Variants in METTL21A observed in about 807,000 individuals in gnomAD.
The protein encoded by METTL21A is methyltransferase 21A, HSPA lysine.
METTL21A carries 22 observed loss-of-function variants against 20.9 expected under a neutral mutation model. The observed-to-expected ratio is 1.05, with a 90% CI of 0.75 to 1.50. METTL21A has a LOEUF of 1.50. Ranked by LOEUF, METTL21A falls within the 40% of genes most tolerant of loss-of-function variation. The pLI, the probability that METTL21A is intolerant of heterozygous loss-of-function variation, is 0.00. For missense variants in METTL21A, 271 were observed against 266.8 expected (o/e 1.02, Z -0.11); for synonymous variants, 93 against 102.0 (o/e 0.91, Z 0.53).
At position 207,621,934 on chromosome 2, in the gene METTL21A, T is replaced by C. The variant is rs1413891016; in HGVS notation, c.148-17A>G. The C allele has an allele frequency of 6.2e-7, 1 of 1,607,142 alleles. No homozygotes were observed. The highest frequency in any genetic ancestry group is 8.5e-7 in the Non-Finnish European group (1 of 1,173,894). On this transcript the variant is annotated splice_polypyrimidine_tract_variant and intron_variant, in intron 2 of 3. Transcript: ENST00000406927. ...AACGATGGCCTGAATGAAAACACAG[T>C]GTGATGACGATTAAGGTCAACATGT...
At chr2:207,584,172 G>GAGT (rs2106634168) in intron 3 of METTL21A, among the ~76,000 whole-genome samples, 1 of 152,278 alleles carries the variant, frequency 6.6e-6, no homozygotes, top group South Asian at 2.1e-4. Flanking sequence ...AAATATCTAG[G>GAGT]AGTAGGCTGG....
downstream of METTL21A, chr2:207,581,400 C>A (rs369806806): frequency 2.5e-5 from 5 of 201,320 alleles, no homozygotes; most frequent in Non-Finnish European, 5.1e-5. Context: ...AAGATGTTCT[C>A]GGACAAAAGC....
intron 3 of METTL21A, among the ~76,000 whole-genome samples, chr2:207,593,306 G>C (rs557781788): frequency 6.6e-6 from 1 of 152,226 alleles, no homozygotes; most frequent in Non-Finnish European, 1.5e-5. Flanking sequence ...CAGGAGGATA[G>C]CTTGAGCCCA....
At chr2:207,596,536 C>G (rs897537300) in intron 3 of METTL21A, among the ~76,000 whole-genome samples, 1 of 152,180 alleles carries the variant, frequency 6.6e-6, no homozygotes, top group Non-Finnish European at 1.5e-5. Context: ...CAGGTTCAAG[C>G]GATGCCCATG....
chr2:207,625,832 C>G (rs777726251), upstream of METTL21A: 1 of 152,300 alleles, frequency 6.6e-6, no homozygotes, highest in Non-Finnish European at 1.5e-5. Flanking sequence ...TCACTCTAGT[C>G]CCCGCGTCTC....
exon 3 of METTL21A, chr2:207,621,840 G>T (rs370289299): frequency 6.2e-7 from 1 of 1,614,190 alleles, no homozygotes; most frequent in Admixed American, 1.7e-5. Context: ...CCAGCCCCGT[G>T]CCAGCACCCA....
Position 207,616,360 on chromosome 2 carries a change from C to T in METTL21A, c.260-2917G>A, listed in dbSNP as rs561243585. Among the ~76,000 whole-genome samples, 159 of 152,322 alleles carry T rather than the reference C, an allele frequency of 1.0e-3. 1 individual carries two copies. The highest frequency in any genetic ancestry group is 3.6e-3 in the African/African-American group (150 of 41,568). On this transcript the variant is annotated intron_variant, in intron 3 of 3. Coordinates refer to ENST00000406927, the Ensembl canonical transcript of METTL21A. ...ATAAAGGCCTTCTCTAATGCCTGTC[C>T]CAGGCATTTCAAAGGCTACTTCTAA... is the stretch of plus-strand genomic sequence containing the variant.
intron 3 of METTL21A, among the ~76,000 whole-genome samples, chr2:207,583,512 T>G (rs973282025): frequency 3.3e-5 from 5 of 152,212 alleles, no homozygotes; most frequent in Non-Finnish European, 7.3e-5. Flanking sequence ...CTTCTTTTTG[T>G]TTTTGGCCTA....
intron 3 of METTL21A, among the ~76,000 whole-genome samples, chr2:207,614,358 G>A (rs953726858): frequency 1.4e-5 from 2 of 144,842 alleles, no homozygotes; most frequent in Admixed American, 1.4e-4. Flanking sequence ...TTGTGCCTGG[G>A]CAACAGAGCA....
intron 3 of METTL21A, among the ~76,000 whole-genome samples, chr2:207,587,598 T>C (rs1445476638): frequency 6.6e-6 from 1 of 152,140 alleles, no homozygotes; most frequent in Non-Finnish European, 1.5e-5. Context: ...CACAGTGGTA[T>C]ACTGTCAAGC....
At chr2:207,603,452 A>G (rs2087473936) in intron 3 of METTL21A, 1 of 225,116 alleles carries the variant, frequency 4.4e-6, no homozygotes. Flanking sequence ...TTTTTTGGGG[A>G]TGGGATCTCT....
At chr2:207,603,824 T>G (rs917925184) in intron 3 of METTL21A, among the ~76,000 whole-genome samples, 2 of 152,186 alleles carry the variant, frequency 1.3e-5, no homozygotes, top group Non-Finnish European at 2.9e-5. Flanking sequence ...GGAGGGGATA[T>G]GGTTAATCTT....
intron 3 of METTL21A, chr2:207,603,456 G>GA (rs2087475733): frequency 4.4e-6 from 1 of 225,562 alleles, no homozygotes; most frequent in Non-Finnish European, 8.8e-6. Flanking sequence ...TTGGGGATGG[G>GA]ATCTCTATAT....
intron 3 of METTL21A, chr2:207,596,884 A>C (rs995601442): frequency 1.3e-6 from 2 of 1,584,932 alleles, no homozygotes; most frequent in Non-Finnish European, 1.7e-6. Flanking sequence ...AATCATTTGC[A>C]TAATTTTTCC....
At chr2:207,586,792 T>C (rs929291409) in intron 3 of METTL21A, among the ~76,000 whole-genome samples, 1 of 152,142 alleles carries the variant, frequency 6.6e-6, no homozygotes, top group African/African-American at 2.4e-5. Context: ...CCAAGAAATA[T>C]ATTTGAAAAG....
intron 3 of METTL21A, chr2:207,598,837 CA>C (rs1296878963): frequency 1.0e-4 from 9 of 89,602 alleles, no homozygotes; most frequent in African/African-American, 4.6e-4. Context: ...GACTCCATCT[CA>C]AAAAATAAAA....
chr2:207,581,480 C>T (rs182387182), downstream of METTL21A: 3,247 of 203,132 alleles, frequency 0.016, 33 homozygotes, highest in Non-Finnish European at 0.025. Context: ...AAAACATGTT[C>T]ATTATAAGTA....
intron 3 of METTL21A, among the ~76,000 whole-genome samples, chr2:207,585,067 C>G (rs2083581286): frequency 6.6e-6 from 1 of 152,022 alleles, no homozygotes; most frequent in Non-Finnish European, 1.5e-5. Flanking sequence ...TCTAGGGTGC[C>G]TGAGGATTGG....
chr2:207,591,238 T>C (rs1284272040), intron 3 of METTL21A, among the ~76,000 whole-genome samples: 1 of 152,244 alleles, frequency 6.6e-6, no homozygotes. Flanking sequence ...TTCATCCCTT[T>C]GTTCATTTCT....
Sources: gnomAD v4.1 joint callset for allele counts (sites outside exome capture counted in the v4.1 genomes callset) on GRCh38, gnomAD v4.1.1 for gene constraint, MANE v1.5 for transcripts, NCBI Gene and HGNC (gene_info 2026-07-23, HGNC 2026-07-21) for gene names.